DLAT: variants seen among roughly 807,000 people sequenced by gnomAD.
The protein encoded by DLAT is dihydrolipoyllysine-residue acetyltransferase component of pyruvate dehydrogenase complex, mitochondrial.
In DLAT, 43 loss-of-function variants were observed where a neutral mutation model predicts 68.0. The observed-to-expected ratio is 0.63, with a 90% CI of 0.50 to 0.81. The LOEUF is 0.81. Among genes scored for constraint, DLAT ranks in the 40% least tolerant of loss-of-function variants. The probability of loss-of-function intolerance (pLI) is 0.00; values close to 1 mark genes in which losing one functional copy is unlikely to be tolerated. For synonymous variants in DLAT, 265 were observed against 288.6 expected, an observed-to-expected ratio of 0.92 and a Z score of 0.83; for missense variants, 745 against 815.4, an observed-to-expected ratio of 0.91 and a Z score of 1.05.
intron 5 of DLAT, among the ~76,000 whole-genome samples, chr11:112,036,181 G>GTGTT (rs1555180441): frequency 1.4e-5 from 1 of 69,810 alleles, no homozygotes; most frequent in African/African-American, 6.2e-5. Flanking sequence ...GTGTGTGTGT[G>GTGTT]TGTGTGTGTG....
At chr11:112,052,571 G>T (rs1555182107) in intron 11 of DLAT, among the ~76,000 whole-genome samples, 1 of 152,170 alleles carries the variant, frequency 6.6e-6, no homozygotes, top group African/African-American at 2.4e-5. Flanking sequence ...GGCGAGGTTT[G>T]AGGTGGGGTG....
intron 8 of DLAT, 67 bp from the exon 9 acceptor site, chr11:112,045,070 AG>A: frequency 1.7e-6 from 2 of 1,168,572 alleles, no homozygotes; most frequent in Non-Finnish European, 2.6e-6. Flanking sequence ...AGTCACTGGC[AG>A]TCTTTCCCAG....
chr11:112,058,752 A>G (rs1364661041), intron 11 of DLAT, among the ~76,000 whole-genome samples: 3 of 151,972 alleles, frequency 2.0e-5, no homozygotes, highest in African/African-American at 7.3e-5. Flanking sequence ...AGTTATTTTC[A>G]TATCACATTG....
rs181321510 is a variant in DLAT, at chr11:112,028,175, T to C, written c.382-340T>C. On this transcript the variant is annotated intron_variant, in intron 2 of 13. Transcript: ENST00000280346. ...GTAATTTCTTCTTTGAAATCTGTCG[T>C]AGTGGCCTTATCTTCACATGAACTG... 4.6e-5 allele frequency among the ~76,000 whole-genome samples: 7 copies of C among 152,252 alleles called. No homozygotes were observed. The East Asian group carries it at 9.7e-4, about 21-fold the overall frequency.
At chr11:112,026,799 C>A (rs1862046529) in intron 2 of DLAT, among the ~76,000 whole-genome samples, 1 of 152,194 alleles carries the variant, frequency 6.6e-6, no homozygotes, top group Admixed American at 6.5e-5. Flanking sequence ...CCGCCATTGT[C>A]ATCATGGCCC....
At chr11:112,032,538 A>G (rs1555180038) in intron 4 of DLAT, 1 of 151,976 alleles carries the variant, frequency 6.6e-6, no homozygotes, top group Non-Finnish European at 1.5e-5. Context: ...GTCCTTGCGC[A>G]GGGGCCATGC....
At chr11:112,041,316 AATAAG>A (rs1447386763) in intron 7 of DLAT, among the ~76,000 whole-genome samples, 222 of 152,340 alleles carry the variant, frequency 1.5e-3, no homozygotes, top group African/African-American at 5.1e-3. Flanking sequence ...TTTGTTATTA[AATAAG>A]ATGATTTGAG....
chr11:112,027,886 C>G (rs1403367363), intron 2 of DLAT, among the ~76,000 whole-genome samples: 4 of 124,402 alleles, frequency 3.2e-5, no homozygotes, highest in South Asian at 2.8e-4. Flanking sequence ...AGAGGGAGAC[C>G]GTGGAAAGAG....
chr11:112,053,710 C>T (rs1458921486), intron 11 of DLAT, among the ~76,000 whole-genome samples: 2 of 152,272 alleles, frequency 1.3e-5, no homozygotes, highest in African/African-American at 2.4e-5. Flanking sequence ...ACCTTGGCCT[C>T]CCAAAGTGCT....
At chr11:112,052,785 G>A (rs1464664638) in intron 11 of DLAT, among the ~76,000 whole-genome samples, 2 of 152,082 alleles carry the variant, frequency 1.3e-5, no homozygotes, top group East Asian at 1.9e-4. Context: ...AGGTCAGTGG[G>A]TAGAGCTAAA....
At chr11:112,030,542 T>G (rs910773977) in intron 4 of DLAT, among the ~76,000 whole-genome samples, 18 of 152,180 alleles carry the variant, frequency 1.2e-4, no homozygotes, top group Admixed American at 1.1e-3. Flanking sequence ...AGTAGTCCAA[T>G]AGTATTAATA....
At chr11:112,045,772 G>A (rs1863283485) in intron 9 of DLAT, 91 bp from the exon 10 acceptor site, 19 of 780,144 alleles carry the variant, frequency 2.4e-5, no homozygotes, top group South Asian at 2.3e-4. Flanking sequence ...GTAAGTATTA[G>A]CAGAGAGTAA....
chr11:112,045,370 A>G, intron 9 of DLAT, 140 bp downstream of exon 9: 2 of 758,112 alleles, frequency 2.6e-6, no homozygotes, highest in Non-Finnish European at 4.5e-6. Flanking sequence ...AGTTTTGGCC[A>G]ACTGAATACT....
Position 112,028,787 on chromosome 11 carries a change from C to T in DLAT, c.507-5C>T. 3.1e-6 allele frequency: 5 copies of T among 1,614,144 alleles called. No homozygotes were observed. Among genetic ancestry groups the T allele is most frequent in the Non-Finnish European group, 3.4e-6 (4 of 1,180,020 alleles). ...TTATATTTATGCATTCTTTCTCTTC[C>T]TTAGGCCTGAGGATATTGAGGCCTT... On this transcript the variant is annotated splice_polypyrimidine_tract_variant and splice_region_variant and intron_variant, in intron 3 of 13. Transcript: ENST00000280346.
chr11:112,039,199 C>A (rs782763586), intron 6 of DLAT, 45 bp from the exon 7 acceptor site: 20 of 1,604,386 alleles, frequency 1.2e-5, no homozygotes, highest in Non-Finnish European at 1.7e-5. Flanking sequence ...TCAGACCAGT[C>A]TTTGAAGTGG....
intron 4 of DLAT, among the ~76,000 whole-genome samples, chr11:112,033,014 A>T (rs1333168572): frequency 6.6e-6 from 1 of 152,190 alleles, no homozygotes; most frequent in African/African-American, 2.4e-5. Flanking sequence ...CAGTGAGCCG[A>T]GATTGCGCCA....
intron 11 of DLAT, among the ~76,000 whole-genome samples, chr11:112,055,747 T>C (rs926886888): frequency 1.3e-5 from 2 of 151,540 alleles, no homozygotes; most frequent in Admixed American, 1.3e-4. Flanking sequence ...AAGGAATTTA[T>C]ATTCCTTAAA....
In DLAT at chr11:112,037,460, G is replaced by A. The variant is rs1432866316; in HGVS notation, c.975G>A (p.Pro325=). Residue 325 remains proline, a splice_region_variant and synonymous_variant, in exon 6 of 14, where the codon CCG becomes CCA. Coordinates refer to ENST00000280346, the MANE Select transcript of DLAT (RefSeq NM_001931.5). ...AAGTGCCACCACCTACCCCACCCCC[G>A]GTAGGTATGCTTCTAGAATTCAGGA... is the stretch of plus-strand genomic sequence containing the variant. ...KPQVPPPTPP[P]VAAVPPTPQP... is the part of the protein sequence containing the mutation. 11 of 1,613,874 alleles carry A rather than the reference G, an allele frequency of 6.8e-6. No individual in the cohort carries two copies. The highest frequency in any genetic ancestry group is 9.3e-6 in the Non-Finnish European group (11 of 1,179,952).
intron 7 of DLAT, among the ~76,000 whole-genome samples, chr11:112,041,988 AT>A (rs1296114666): frequency 6.6e-6 from 1 of 152,206 alleles, no homozygotes; most frequent in Non-Finnish European, 1.5e-5. Context: ...GACCTTATAG[AT>A]TATGGTAAAG....
Sources: allele counts gnomAD v4.1 joint callset (sites outside exome capture counted in the v4.1 genomes callset), GRCh38; gene constraint gnomAD v4.1.1; transcripts MANE v1.5; gene names NCBI Gene and HGNC (gene_info 2026-07-23, HGNC 2026-07-21).